The following PDK1 variants were observed in gnomAD, a reference collection of about 807,000 sequenced individuals.
PDK1 encodes [Pyruvate dehydrogenase (acetyl-transferring)] kinase isozyme 1, mitochondrial.
Under a neutral mutation model 54.2 loss-of-function variants are expected in PDK1, and 39 were observed. The observed-to-expected ratio is 0.72, with a 90% CI of 0.56 to 0.94. PDK1 has a LOEUF of 0.94. Ranked by LOEUF, PDK1 falls within the 40% of genes least tolerant of loss-of-function variation. The pLI is 0.00. For synonymous variants in PDK1, 221 were observed against 207.1 expected, an observed-to-expected ratio of 1.07 and a Z score of -0.58; for missense variants, 552 against 566.0, an observed-to-expected ratio of 0.98 and a Z score of 0.25.
At chr2:172,626,202 G>C in the PDK1 span, among the ~76,000 whole-genome samples, 8 of 152,222 alleles carry the variant, frequency 5.3e-5, no homozygotes, top group Admixed American at 2.0e-4. Context: ...AGTTGCTGAG[G>C]CTCATTTATT....
chr2:172,634,838 T>C, the PDK1 span, among the ~76,000 whole-genome samples: 2 of 152,196 alleles, frequency 1.3e-5, no homozygotes, highest in East Asian at 3.9e-4. Flanking sequence ...ATAAAAACTC[T>C]AAGGAAACTT....
At chr2:172,611,716 C>T (rs1691467596), downstream of PDK1, among the ~76,000 whole-genome samples, 1 of 152,314 alleles carries the variant, frequency 6.6e-6, no homozygotes, top group African/African-American at 2.4e-5. Context: ...TGTGATTTAT[C>T]CCATCTAAGT....
At chr2:172,660,591 G>C in the PDK1 span, among the ~76,000 whole-genome samples, 2 of 151,932 alleles carry the variant, frequency 1.3e-5, no homozygotes, top group Admixed American at 6.6e-5. Flanking sequence ...GCCTCTGAAT[G>C]ATAATTGTGA....
chr2:172,648,511 G>A, the PDK1 span, among the ~76,000 whole-genome samples: 1 of 152,140 alleles, frequency 6.6e-6, no homozygotes, highest in Non-Finnish European at 1.5e-5. Flanking sequence ...GACAGAGGGT[G>A]CAGCCCACAG....
chr2:172,670,142 TC>T, the PDK1 span, among the ~76,000 whole-genome samples: 1 of 152,164 alleles, frequency 6.6e-6, no homozygotes, highest in South Asian at 2.1e-4. Flanking sequence ...AGCCTTCACC[TC>T]CCGGGCTCAA....
At chr2:172,567,244 C>T (rs1272207899) in intron 6 of PDK1, among the ~76,000 whole-genome samples, 1 of 152,188 alleles carries the variant, frequency 6.6e-6, no homozygotes, top group Non-Finnish European at 1.5e-5. Context: ...TTGACTTTTA[C>T]ATGCACTTCA....
the PDK1 span, among the ~76,000 whole-genome samples, chr2:172,692,624 G>A: frequency 1.1e-4 from 16 of 152,142 alleles, no homozygotes. Flanking sequence ...TGGGGGTTAG[G>A]GCAGGTCTTA....
At chr2:172,644,351 C>T in the PDK1 span, among the ~76,000 whole-genome samples, 16 of 152,330 alleles carry the variant, frequency 1.1e-4, no homozygotes, top group African/African-American at 3.8e-4. Flanking sequence ...TAAAAACATG[C>T]CTGGGGCTTA....
the PDK1 span, among the ~76,000 whole-genome samples, chr2:172,646,379 CCT>C: frequency 0.022 from 3,363 of 152,228 alleles, 67 homozygotes; most frequent in Non-Finnish European, 0.035. Flanking sequence ...ACAAAAATCC[CCT>C]TTTTTTCTTT....
the PDK1 span, among the ~76,000 whole-genome samples, chr2:172,707,207 C>A: frequency 3.9e-5 from 6 of 152,242 alleles, no homozygotes; most frequent in African/African-American, 1.4e-4. Flanking sequence ...GGTGTGGGGA[C>A]TTCCTTATCA....
At chr2:172,642,137 G>A in the PDK1 span, among the ~76,000 whole-genome samples, 1 of 152,164 alleles carries the variant, frequency 6.6e-6, no homozygotes, top group East Asian at 1.9e-4. Context: ...CACTGCTGTT[G>A]GGGAAGAATA....
chr2:172,582,665 A>G (rs1344253758), intron 8 of PDK1, among the ~76,000 whole-genome samples: 1 of 152,126 alleles, frequency 6.6e-6, no homozygotes, highest in African/African-American at 2.4e-5. Flanking sequence ...TACAGACTAA[A>G]TATCTGTCTC....
the PDK1 span, among the ~76,000 whole-genome samples, chr2:172,712,462 G>A: frequency 6.6e-6 from 1 of 152,198 alleles, no homozygotes; most frequent in Non-Finnish European, 1.5e-5. Context: ...GCTAGGCACA[G>A]GGCGGTGAGG....
chr2:172,687,529 C>T, the PDK1 span, among the ~76,000 whole-genome samples: 1 of 152,154 alleles, frequency 6.6e-6, no homozygotes, highest in Non-Finnish European at 1.5e-5. Context: ...CAGGGTCACA[C>T]TTCATACTCA....
chr2:172,699,357 C>G, the PDK1 span, among the ~76,000 whole-genome samples: 2 of 152,172 alleles, frequency 1.3e-5, no homozygotes, highest in Non-Finnish European at 2.9e-5. Context: ...AGCTTCTCAG[C>G]GAAGCTGAGC....
chr2:172,610,729 G>C (rs377515479), downstream of PDK1, among the ~76,000 whole-genome samples: 66 of 152,184 alleles, frequency 4.3e-4, no homozygotes, highest in East Asian at 0.012. Context: ...TCCTGCCTCA[G>C]CCTCCCAAGT....
intron 3 of PDK1, chr2:172,562,842 G>T: frequency 6.3e-7 from 1 of 1,595,960 alleles, no homozygotes; most frequent in South Asian, 1.1e-5. Context: ...TACCAGAATT[G>T]GTAAACCAAA....
chr2:172,691,283 A>G, the PDK1 span: 1 of 150,372 alleles, frequency 6.7e-6, no homozygotes, highest in Non-Finnish European at 1.5e-5. Flanking sequence ...TGACACATCA[A>G]TATCGTCCTG....
rs942335577 is a variant in PDK1 at position 172,608,198 on chromosome 2, T to A, written c.*12229T>A. On this transcript the variant is annotated 3_prime_UTR_variant, in exon 11 of 11. Coordinates refer to ENST00000282077, the MANE Select transcript of PDK1 (RefSeq NM_002610.5). The stretch of plus-strand genomic sequence containing the variant: ...GAGAAAAGAAATGGGATGATAATGA[T>A]ATTGCTGTACTAAAGTCTATTTAGG... 6.2e-5 allele frequency: 9 copies of A among 145,290 alleles called. No homozygotes were observed. The highest frequency in any genetic ancestry group is 2.4e-4 in the African/African-American group (9 of 37,362). 9.0% of individuals were successfully genotyped at this position (145,290 alleles called of 1,614,324 possible). A position where few individuals can be genotyped will look rare whatever the true frequency, so the allele number is the denominator to read the frequency against.
Sources: allele counts gnomAD v4.1 joint callset (sites outside exome capture counted in the v4.1 genomes callset), GRCh38; gene constraint gnomAD v4.1.1; transcripts MANE v1.5; gene names NCBI Gene and HGNC (gene_info 2026-07-23, HGNC 2026-07-21).